RNF150: variants seen among roughly 807,000 people sequenced by gnomAD.
RNF150 encodes the protein ring finger protein 150.
RNF150 carries 24 observed loss-of-function variants against 39.3 expected under a neutral mutation model. That is an observed-to-expected ratio of 0.61 (90% CI 0.44 to 0.86). The LOEUF (loss-of-function observed/expected upper bound fraction) is 0.86. Ranked by LOEUF, RNF150 falls within the 40% of genes least tolerant of loss-of-function variation. RNF150 has a pLI of 0.00. For missense variants in RNF150, 502 were observed against 587.8 expected (o/e 0.85, Z 1.51); for synonymous variants, 255 against 227.3 (o/e 1.12, Z -1.10).
chr4:141,171,357 C>T (rs1727717200), intron 1 of RNF150, among the ~76,000 whole-genome samples: 1 of 152,030 alleles, frequency 6.6e-6, no homozygotes, highest in Admixed American at 6.5e-5. Flanking sequence ...GTATCGGACC[C>T]AATAGGGGAT....
intron 1 of RNF150, among the ~76,000 whole-genome samples, chr4:140,998,878 A>C (rs1327852759): frequency 1.3e-5 from 2 of 151,946 alleles, no homozygotes. Context: ...CACTACCAAG[A>C]GTCAAGTTAG....
chr4:141,204,971 C>T (rs944589737), intron 1 of RNF150, among the ~76,000 whole-genome samples: 1 of 152,034 alleles, frequency 6.6e-6, no homozygotes, highest in African/African-American at 2.4e-5. Context: ...TAAATGCATG[C>T]CTTGAGGTCT....
intron 6 of RNF150, among the ~76,000 whole-genome samples, chr4:140,868,854 A>C (rs1728821276): frequency 1.3e-5 from 2 of 152,230 alleles, no homozygotes; most frequent in Non-Finnish European, 1.5e-5. Context: ...AAAATGGACA[A>C]AGGTTACCAT....
chr4:141,029,961 C>G (rs1166792581), intron 1 of RNF150, among the ~76,000 whole-genome samples: 1 of 152,054 alleles, frequency 6.6e-6, no homozygotes, highest in East Asian at 1.9e-4. Flanking sequence ...CTTTGGGAGG[C>G]CGAGGCAGGT....
intron 1 of RNF150, among the ~76,000 whole-genome samples, chr4:141,055,624 G>A (rs1736938593): frequency 6.6e-6 from 1 of 152,044 alleles, no homozygotes; most frequent in Non-Finnish European, 1.5e-5. Context: ...TGATGGATCA[G>A]GAGAAATTAC....
In RNF150 at chr4:140,981,143, G is replaced by A. The variant is rs71608418; in HGVS notation, c.485-13270C>T. On this transcript the variant is annotated intron_variant, in intron 1 of 6. Transcript: ENST00000515673. ...ATAGTTTTCCCTATAGTAAGATGAC[G>A]TATACTATAAATTCAACAAGTATTA... Among the ~76,000 whole-genome samples, 1,057 of 152,122 alleles carry A rather than the reference G, an allele frequency of 6.9e-3. 8 individuals are homozygous for A. The highest frequency in any genetic ancestry group is 0.02 in the South Asian group (94 of 4,818).
rs1448317411 is a variant in RNF150 at position 140,861,159 on chromosome 4, A to G, written c.*7102T>C. 1 of 152,186 alleles carries G rather than the reference A, an allele frequency of 6.6e-6. No homozygotes were observed. Among genetic ancestry groups the G allele is most frequent in the Non-Finnish European group, 1.5e-5 (1 of 68,040 alleles). The allele number at this position is 152,186 out of a possible 1,614,324, so 9.4% of individuals were successfully genotyped here. On this transcript the variant is annotated 3_prime_UTR_variant, in exon 7 of 7. Transcript: ENST00000515673. ...ATTATGTACATGTACAAAACACATC[A>G]GTATTTCACACCATTTACATTCATA... is the stretch of plus-strand genomic sequence containing the variant.
chr4:140,868,722 C>T (rs764752611), intron 6 of RNF150, among the ~76,000 whole-genome samples: 1 of 151,972 alleles, frequency 6.6e-6, no homozygotes, highest in Non-Finnish European at 1.5e-5. Flanking sequence ...TAAAATGTTA[C>T]ACACATGTAA....
At chr4:141,186,056 A>G (rs1728002352) in intron 1 of RNF150, among the ~76,000 whole-genome samples, 1 of 152,200 alleles carries the variant, frequency 6.6e-6, no homozygotes, top group African/African-American at 2.4e-5. Context: ...AAAATGAGTT[A>G]GGGAGGAATC....
At chr4:141,183,932 A>C (rs2111191934) in intron 1 of RNF150, among the ~76,000 whole-genome samples, 1 of 152,234 alleles carries the variant, frequency 6.6e-6, no homozygotes, top group Non-Finnish European at 1.5e-5. Flanking sequence ...GTTGGTTCCA[A>C]GTCTTTGTTA....
chr4:141,147,699 T>G (rs1446486196), intron 1 of RNF150, among the ~76,000 whole-genome samples: 1 of 152,048 alleles, frequency 6.6e-6, no homozygotes, highest in African/African-American at 2.4e-5. Context: ...CCTACAAGGG[T>G]AGACTCTGCC....
intron 1 of RNF150, among the ~76,000 whole-genome samples, chr4:141,203,216 A>G (rs1410045982): frequency 5.8e-5 from 3 of 52,022 alleles, no homozygotes; most frequent in Non-Finnish European, 1.1e-4. Flanking sequence ...AATCTTGGAG[A>G]CGATATATAT....
intron 4 of RNF150, among the ~76,000 whole-genome samples, chr4:140,938,462 T>C (rs2111351176): frequency 6.6e-6 from 1 of 152,172 alleles, no homozygotes; most frequent in Non-Finnish European, 1.5e-5. Context: ...AAGATATGAA[T>C]CCTATATTTG....
At chr4:141,041,624 T>G (rs1464223864) in intron 1 of RNF150, among the ~76,000 whole-genome samples, 1 of 152,122 alleles carries the variant, frequency 6.6e-6, no homozygotes, top group Admixed American at 6.6e-5. Context: ...TTCTATGGGC[T>G]GTTTTGCCTA....
intron 1 of RNF150, among the ~76,000 whole-genome samples, chr4:141,007,284 G>C (rs914382951): frequency 1.3e-5 from 2 of 152,156 alleles, no homozygotes; most frequent in African/African-American, 4.8e-5. Flanking sequence ...AGGGTCTTCT[G>C]TAAGGAATCT....
chr4:140,870,119 G>A (rs1311318613), intron 6 of RNF150, among the ~76,000 whole-genome samples: 1 of 152,074 alleles, frequency 6.6e-6, no homozygotes, highest in Non-Finnish European at 1.5e-5. Flanking sequence ...ACAAATAAGA[G>A]AACAAACAAA....
chr4:141,020,463 T>C (rs1045981612), intron 1 of RNF150, among the ~76,000 whole-genome samples: 2 of 152,142 alleles, frequency 1.3e-5, no homozygotes, highest in African/African-American at 4.8e-5. Flanking sequence ...AAGCTTTGTG[T>C]CCACAGAGCT....
intron 4 of RNF150, among the ~76,000 whole-genome samples, chr4:140,932,542 T>A (rs954975833): frequency 6.6e-6 from 1 of 152,154 alleles, no homozygotes; most frequent in Non-Finnish European, 1.5e-5. Context: ...CCTCACCCCA[T>A]CCTCAAGCTG....
At chr4:140,936,929 A>T (rs1731884164) in intron 4 of RNF150, among the ~76,000 whole-genome samples, 1 of 152,210 alleles carries the variant, frequency 6.6e-6, no homozygotes, top group Admixed American at 6.5e-5. Context: ...GATGAGAAAG[A>T]TGCTTTAAAA....
Sources: gnomAD v4.1 joint callset for allele counts (sites outside exome capture counted in the v4.1 genomes callset) on GRCh38, gnomAD v4.1.1 for gene constraint, MANE v1.5 for transcripts, NCBI Gene and HGNC (gene_info 2026-07-23, HGNC 2026-07-21) for gene names.